ALDH1L2: variants seen among roughly 807,000 people sequenced by gnomAD.
ALDH1L2 encodes the protein aldehyde dehydrogenase 1 family member L2, also known as mitochondrial 10-formyltetrahydrofolate dehydrogenase.
A neutral mutation model predicts 111.0 loss-of-function variants in ALDH1L2; 91 were observed. The observed-to-expected ratio is 0.82, with a 90% CI of 0.69 to 0.98. ALDH1L2 has a LOEUF of 0.98. Among genes scored for constraint, ALDH1L2 ranks in the 50% least tolerant of loss-of-function variants. ALDH1L2 has a pLI of 0.00. For synonymous variants in ALDH1L2, 374 were observed against 392.6 expected (o/e 0.95, Z 0.56); for missense variants, 995 against 1,126.8 (o/e 0.88, Z 1.67).
At chr12:105,054,043 A>C (rs1457464752) in intron 10 of ALDH1L2, among the ~76,000 whole-genome samples, 2 of 152,094 alleles carry the variant, frequency 1.3e-5, no homozygotes, top group Non-Finnish European at 2.9e-5. Context: ...TATACTCTAT[A>C]AATAGGGTAA....
chr12:105,040,611 G>A lies in ALDH1L2; in HGVS notation c.1947C>T (p.Gly649=). 6.2e-7 allele frequency: 1 copy of A among 1,614,054 alleles called. No homozygotes were observed. The highest frequency in any genetic ancestry group is 1.3e-5 in the African/African-American group (1 of 75,024). ...FPKGVINIIP[G]SGGIAGQRLS... ...GTCGGTCATTTAGTGGCTTACCTGA[G>A]CCTGGAATGATGTTGATGACCCCCT... The change falls in exon 16 of 23, where the codon GGC becomes GGT. Residue 649 remains glycine, a synonymous_variant. Transcript: ENST00000258494.
chr12:105,073,989 T>C lies in ALDH1L2; in HGVS notation c.65A>G (p.Lys22Arg). The change falls in exon 2 of 23, where the codon AAG becomes AGG. Residue 22 changes from lysine to arginine, a missense_variant. By Grantham distance (26) the Lys-to-Arg change is conservative (BLOSUM62 2). Coordinates refer to ENST00000258494, the MANE Select transcript of ALDH1L2 (RefSeq NM_001034173.4). ...FSTGRVYFKN[K>R]LKLALIGQSL... ...CTGGCCAATTAGTGCCAACTTCAGC[T>C]TGTTTTTGAAATAAACCTGTGAAAC... 6.2e-7 allele frequency: 1 copy of C among 1,614,160 alleles called. No homozygotes were observed. Among genetic ancestry groups the C allele is most frequent in the Non-Finnish European group, 8.5e-7 (1 of 1,180,014 alleles).
chr12:105,039,644 C>T (rs912887356), intron 17 of ALDH1L2, 69 bp downstream of exon 17: 3 of 1,324,588 alleles, frequency 2.3e-6, no homozygotes, highest in South Asian at 1.2e-5. Context: ...CAAAAAGTAC[C>T]CTGTTTAAAC....
Position 105,022,867 on chromosome 12 carries a change from A to G in ALDH1L2, c.*1557T>C, listed in dbSNP as rs536904405. The G allele has an allele frequency of 6.6e-6, 1 of 152,350 alleles. No homozygotes were observed. The highest frequency in any genetic ancestry group is 2.4e-5 in the African/African-American group (1 of 41,586). 9.4% of individuals were successfully genotyped at this position (152,350 alleles called of 1,614,324 possible). ...ATTCTGCCAAGTCTCCAAAATGACA[A>G]ATATTCCCTAAGGCTTCTTCAAAGC... On this transcript the variant is annotated 3_prime_UTR_variant, in exon 23 of 23. Coordinates refer to ENST00000258494, the MANE Select transcript of ALDH1L2 (RefSeq NM_001034173.4).
chr12:105,027,665 A>G (rs942122850), intron 21 of ALDH1L2, among the ~76,000 whole-genome samples: 1 of 152,228 alleles, frequency 6.6e-6, no homozygotes, highest in African/African-American at 2.4e-5. Context: ...CTGGAACACA[A>G]TAAATGTTCA....
At chr12:105,036,515 TATATA>T (rs1181445336) in intron 18 of ALDH1L2, among the ~76,000 whole-genome samples, 2 of 3,234 alleles carry the variant, frequency 6.2e-4, no homozygotes, top group Non-Finnish European at 9.5e-4. Context: ...ATATATATTT[TATATA>T]TATATATATA....
In ALDH1L2 at chr12:105,024,344, C is replaced by G. The variant is rs1025658904; in HGVS notation, c.*80G>C. The G allele has an allele frequency of 6.4e-7, 1 of 1,555,642 alleles. No individual in the cohort carries two copies. The highest frequency in any genetic ancestry group is 2.2e-5 in the East Asian group (1 of 44,618). ...TTGGTTTGTGGCTGACACCTCCTGC[C>G]TCAACACACCCAATCTTCTTAAGTG... On this transcript the variant is annotated 3_prime_UTR_variant, in exon 23 of 23. Transcript: ENST00000258494.
At chr12:105,069,331 A>G (rs1419501819) in intron 3 of ALDH1L2, among the ~76,000 whole-genome samples, 1 of 152,254 alleles carries the variant, frequency 6.6e-6, no homozygotes, top group Non-Finnish European at 1.5e-5. Flanking sequence ...TGTGAAGGAC[A>G]GAGCTGATTA....
intron 1 of ALDH1L2, 121 bp from the exon 2 acceptor site, chr12:105,074,126 A>C: frequency 7.7e-7 from 1 of 1,291,690 alleles, no homozygotes; most frequent in East Asian, 2.4e-5. Context: ...GTACACCAAA[A>C]GCCCAGACTT....
In ALDH1L2 at chr12:105,064,862, C is replaced by T. The variant is rs556374212; in HGVS notation, c.786+405G>A. ...CCCTGGCTTCACTGAACTCCTTTTGCAAGTCCTTGACCAGGTGCTGGAGTC... is the reference window on the plus strand; with the variant it reads ...CCCTGGCTTCACTGAACTCCTTTTGTAAGTCCTTGACCAGGTGCTGGAGTC... On this transcript the variant is annotated intron_variant, in intron 6 of 22. Coordinates refer to ENST00000258494, the MANE Select transcript of ALDH1L2 (RefSeq NM_001034173.4). 1.6e-4 allele frequency among the ~76,000 whole-genome samples: 24 copies of T among 152,320 alleles called. No homozygotes were observed. The South Asian group carries it at 4.8e-3, about 30-fold the overall frequency.
intron 13 of ALDH1L2, chr12:105,047,420 C>T (rs1276012996): frequency 1.2e-5 from 2 of 170,544 alleles, no homozygotes; most frequent in Non-Finnish European, 2.5e-5. Flanking sequence ...TTATTCTTCC[C>T]TCCATGTCTG....
chr12:105,052,105 C>T lies in ALDH1L2; in HGVS notation c.1520G>A (p.Gly507Glu). 6.2e-7 allele frequency: 1 copy of T among 1,607,312 alleles called. No individual in the cohort carries two copies. Among genetic ancestry groups the T allele is most frequent in the Non-Finnish European group, 8.5e-7 (1 of 1,177,222 alleles). ...EWGRMNARER[G>E]RLMYRLADLL... ...ATAGAAATACCTATACATCAATCTT[C>T]CTCTTTCTCTTGCATTCATTCTTCC... Residue 507 changes from glycine to glutamate, a missense_variant, in exon 12 of 23, where the codon GGA (glycine) becomes GAA (glutamate). Gly to Glu is a moderately conservative substitution (Grantham distance 98). Transcript: ENST00000258494.
At position 105,026,761 on chromosome 12, in the gene ALDH1L2, A is replaced by T; in HGVS notation, c.2517-17T>A. ...TCGATGTCCCTGTGTTTTTAGGAAG[A>T]CATAAAACTTCATTAAATGTAAAGC... On this transcript the variant is annotated splice_polypyrimidine_tract_variant and intron_variant, in intron 21 of 22. Coordinates refer to ENST00000258494, the MANE Select transcript of ALDH1L2 (RefSeq NM_001034173.4). 6.2e-7 allele frequency: 1 copy of T among 1,611,122 alleles called. No homozygotes were observed. The highest frequency in any genetic ancestry group is 8.5e-7 in the Non-Finnish European group (1 of 1,178,992).
chr12:105,063,751 A>G (rs550628504), intron 6 of ALDH1L2, among the ~76,000 whole-genome samples: 1 of 152,210 alleles, frequency 6.6e-6, no homozygotes, highest in East Asian at 1.9e-4. Flanking sequence ...GTGGTAAGTG[A>G]TGAGAAGCAC....
intron 18 of ALDH1L2, 66 bp from the exon 19 acceptor site, chr12:105,034,464 A>C: frequency 7.1e-7 from 1 of 1,411,882 alleles, no homozygotes; most frequent in South Asian, 1.2e-5. Context: ...ATAAAGTTGT[A>C]CACAGAGGGA....
intron 7 of ALDH1L2, 152 bp downstream of exon 7, chr12:105,062,736 T>TG: frequency 1.1e-6 from 1 of 907,890 alleles, no homozygotes; most frequent in Non-Finnish European, 1.6e-6. Context: ...TGCAGATCTG[T>TG]GGGGCCCATC....
chr12:105,057,328 G>A (rs11612252), intron 10 of ALDH1L2, among the ~76,000 whole-genome samples: 59,579 of 151,750 alleles, frequency 0.39, 12,911 homozygotes, highest in Middle Eastern at 0.61. Context: ...TAATGGTGTA[G>A]CCACTTCGGA....
chr12:105,031,638 G>A (rs1008601534), intron 20 of ALDH1L2, 131 bp downstream of exon 20: 22 of 1,319,906 alleles, frequency 1.7e-5, no homozygotes, highest in Admixed American at 2.4e-5. Context: ...GCAGGTGCGT[G>A]CCACCACACT....
chr12:105,030,127 T>C (rs1874620686), intron 21 of ALDH1L2, 197 bp downstream of exon 21: 1 of 379,478 alleles, frequency 2.6e-6, no homozygotes, highest in Non-Finnish European at 4.6e-6. Context: ...TGGCCATTAA[T>C]TGAAGCTGAA....
Sources: gnomAD v4.1 joint callset for allele counts (sites outside exome capture counted in the v4.1 genomes callset) on GRCh38, gnomAD v4.1.1 for gene constraint, MANE v1.5 for transcripts, NCBI Gene and HGNC (gene_info 2026-07-23, HGNC 2026-07-21) for gene names.